The following SPTAN1 variants were observed in gnomAD, a reference collection of about 807,000 sequenced individuals.
SPTAN1 encodes spectrin alpha, non-erythrocytic 1.
Under a neutral mutation model 331.3 loss-of-function variants are expected in SPTAN1, and 61 were observed. The ratio of observed to expected loss-of-function variants is 0.18; its 90% confidence interval spans 0.15 to 0.23. The LOEUF (loss-of-function observed/expected upper bound fraction) is 0.23, where lower values mean the gene tolerates loss of function less well. Ranked by LOEUF, SPTAN1 falls within the 10% of genes least tolerant of loss-of-function variation. The pLI, the probability that SPTAN1 is intolerant of heterozygous loss-of-function variation, is 1.00. For missense variants in SPTAN1, 2,043 were observed against 3,147.9 expected, an observed-to-expected ratio of 0.65 and a Z score of 8.40; for synonymous variants, 1,153 against 1,173.9, an observed-to-expected ratio of 0.98 and a Z score of 0.36.
chr9:128,559,984 C>G (rs1313316309), intron 1 of SPTAN1, among the ~76,000 whole-genome samples: 1 of 152,032 alleles, frequency 6.6e-6, no homozygotes, highest in African/African-American at 2.4e-5. Flanking sequence ...ATCCACCCGC[C>G]TTGGCCTCCC....
chr9:128,630,633 A>G (rs979551194), intron 52 of SPTAN1: 17 of 443,252 alleles, frequency 3.8e-5, no homozygotes, highest in Middle Eastern at 6.8e-4. Context: ...AGGTCAAGCA[A>G]TTCTCCTGCC....
In SPTAN1 at chr9:128,604,354, A is replaced by G; in HGVS notation, c.3656A>G (p.Gln1219Arg). The change falls in exon 29 of 57, where the codon CAG becomes CGG. Residue 1219 changes from glutamine to arginine, a missense_variant. Gln to Arg is a conservative substitution (Grantham distance 43). Transcript: ENST00000372739. ...CTGAATGAGCGCTGGCGGTCCCTAC[A>G]GCAGCTGGCCGAGGAACGGAGCCAG... is the stretch of plus-strand genomic sequence containing the variant. ...KELNERWRSLQQLAEERSQLL... is the reference protein window; with the variant it reads ...KELNERWRSLRQLAEERSQLL... 1 of 1,614,084 alleles carries G rather than the reference A, an allele frequency of 6.2e-7. No homozygotes were observed. The highest frequency in any genetic ancestry group is 8.5e-7 in the Non-Finnish European group (1 of 1,179,992).
At chr9:128,599,277 C>T (rs1186267842) in intron 26 of SPTAN1, 2 of 421,522 alleles carry the variant, frequency 4.7e-6, no homozygotes, top group African/African-American at 2.0e-5. Context: ...TGGAATTCCA[C>T]GCATGTGGCA....
Position 128,633,217 on chromosome 9 carries a change from C to G in SPTAN1, c.7317C>G (p.Thr2439=). ...CATCTCTTACCCCACAGAACCTGAC[C>G]CGGGAACAAGCCGACTACTGCGTCT... ...VTKEELYQNL[T]REQADYCVSH... is the part of the protein sequence containing the mutation. Residue 2439 remains threonine (T), a synonymous_variant, in exon 57 of 57, where the codon ACC becomes ACG. Coordinates refer to ENST00000372739, the MANE Select transcript of SPTAN1 (RefSeq NM_001130438.3). The G allele has an allele frequency of 6.2e-7, 1 of 1,613,982 alleles. No homozygotes were observed. The highest frequency in any genetic ancestry group is 2.2e-5 in the East Asian group (1 of 44,860).
At chr9:128,587,181 G>A (rs1041310300) in intron 19 of SPTAN1, among the ~76,000 whole-genome samples, 1 of 152,058 alleles carries the variant, frequency 6.6e-6, no homozygotes, top group African/African-American at 2.4e-5. Context: ...GACCTCCTGT[G>A]CTCAGCAGTC....
chr9:128,632,503 G>T lies in SPTAN1; in HGVS notation c.7013+19G>T. Reference sequence around the variant, plus strand: ...TGTTTAAGTGAGTTCAGCCTTACTCGCCCTGGCTGGGTGGGGGGTGTTCGG... The same window carrying T: ...TGTTTAAGTGAGTTCAGCCTTACTCTCCCTGGCTGGGTGGGGGGTGTTCGG... On this transcript the variant is annotated intron_variant, in intron 54 of 56. Transcript: ENST00000372739. The T allele has an allele frequency of 6.2e-7, 1 of 1,614,170 alleles. No homozygotes were observed. Among genetic ancestry groups the T allele is most frequent in the African/African-American group, 1.3e-5 (1 of 75,068 alleles).
intron 17 of SPTAN1, 37 bp from the exon 18 acceptor site, chr9:128,584,684 C>T (rs1180256995): frequency 6.2e-7 from 1 of 1,614,198 alleles, no homozygotes; most frequent in Non-Finnish European, 8.5e-7. Flanking sequence ...CTTTTCTCTT[C>T]ATGGTTGGAT....
In SPTAN1 at chr9:128,627,779, A is replaced by G. The variant is rs534349825; in HGVS notation, c.6690-146A>G. ...GGTCAGCCCCAGCCATGACTTGGTG[A>G]CAGACGATGCAGGGTCTGTGCGTTG... On this transcript the variant is annotated intron_variant, in intron 50 of 56. Transcript: ENST00000372739. This position sits in a 1 kb window ranked among gnomAD's most constrained non-coding sequence, Gnocchi z 4.9. The G allele has an allele frequency of 1.9e-6, 2 of 1,077,860 alleles. No homozygotes were observed. Among genetic ancestry groups the G allele is most frequent in the African/African-American group, 1.5e-5 (1 of 64,626 alleles). The allele number at this position is 1,077,860 out of a possible 1,614,324, so 66.8% of individuals were successfully genotyped here.
chr9:128,612,938 T>G (rs555172473), intron 39 of SPTAN1, among the ~76,000 whole-genome samples: 4 of 151,358 alleles, frequency 2.6e-5, no homozygotes, highest in African/African-American at 9.7e-5. Context: ...AAAAAAAAAT[T>G]TTTTTTTTTA....
At chr9:128,581,470 C>T (rs1191856690) in intron 11 of SPTAN1, among the ~76,000 whole-genome samples, 1 of 47,566 alleles carries the variant, frequency 2.1e-5, no homozygotes, top group Non-Finnish European at 4.6e-5. Flanking sequence ...GAGATCCTGT[C>T]TCACAAAAAA....
chr9:128,601,104 T>G (rs1180831861), intron 27 of SPTAN1, among the ~76,000 whole-genome samples: 1 of 147,128 alleles, frequency 6.8e-6, no homozygotes, highest in East Asian at 2.1e-4. Context: ...CTTCCTCAGC[T>G]CCCCTAGTAG....
chr9:128,608,515 G>A (rs993834179), intron 34 of SPTAN1, among the ~76,000 whole-genome samples: 4 of 152,130 alleles, frequency 2.6e-5, no homozygotes, highest in African/African-American at 9.7e-5. Context: ...GGGTAGGTAA[G>A]GGAATAATGA....
Position 128,561,662 on chromosome 9 carries a change from C to CAAAAAAAAAAAAAAAAAAAA in SPTAN1, c.-3-5069_-3-5050dup. On this transcript the variant is annotated intron_variant, in intron 1 of 56. Transcript: ENST00000372739. The stretch of plus-strand genomic sequence containing the variant: ...TGGGCAACAGAGCGAGACTCCGTCT[C>CAAAAAAAAAAAAAAAAAAAA]AAAAAAAAAAAAAAAAAAAAAAAAA... Among the ~76,000 whole-genome samples the CAAAAAAAAAAAAAAAAAAAA allele has an allele frequency of 1.5e-3, 24 of 15,982 alleles. 5 individuals are homozygous for CAAAAAAAAAAAAAAAAAAAA. Among genetic ancestry groups the CAAAAAAAAAAAAAAAAAAAA allele is most frequent in the Admixed American group, 2.8e-3 (2 of 706 alleles). The allele number at this position is 15,982 out of a possible 152,430, so 10.5% of individuals were successfully genotyped here.
intron 1 of SPTAN1, among the ~76,000 whole-genome samples, chr9:128,554,676 A>G (rs925695666): frequency 5.9e-5 from 9 of 152,308 alleles, no homozygotes; most frequent in Middle Eastern, 3.4e-3. Context: ...CTGTTGCAGC[A>G]TATCAGCTGC....
rs1290424786 is a variant in SPTAN1 at position 128,583,080 on chromosome 9, C to T, written c.1810C>T (p.Pro604Ser). The T allele has an allele frequency of 6.2e-7, 1 of 1,614,096 alleles. No homozygotes were observed. Among genetic ancestry groups the T allele is most frequent in the Non-Finnish European group, 8.5e-7 (1 of 1,180,034 alleles). ...KTATDEAYKD[P>S]SNLQGKVQKH... ...AACCCCCTTCTTTTATTCACAGGAT[C>T]CATCCAACCTACAAGGAAAAGTACA... Residue 604 changes from proline (P) to serine (S), a missense_variant, in exon 15 of 57, where the codon CCA (proline) becomes TCA (serine). Pro to Ser is a moderately conservative substitution (Grantham distance 74). Around this residue, in one of 12 missense-constraint regions of SPTAN1, gnomAD observed 1,038 missense variants for 1,531.5 expected, o/e 0.68. Coordinates refer to ENST00000372739, the MANE Select transcript of SPTAN1 (RefSeq NM_001130438.3).
chr9:128,613,520 TGG>T, intron 40 of SPTAN1, 35 bp downstream of exon 40: 3 of 1,550,912 alleles, frequency 1.9e-6, no homozygotes, highest in Non-Finnish European at 2.7e-6. Context: ...CCCGAGTGCC[TGG>T]GACACAGCTC....
At chr9:128,584,954 A>G in intron 18 of SPTAN1, 111 bp downstream of exon 18, 2 of 1,284,122 alleles carry the variant, frequency 1.6e-6, no homozygotes, top group East Asian at 2.3e-5. Context: ...GCTGAATACC[A>G]TCCCCATTCT....
At chr9:128,617,121 C>G (rs1444996415) in intron 41 of SPTAN1, among the ~76,000 whole-genome samples, 1 of 151,764 alleles carries the variant, frequency 6.6e-6, no homozygotes, top group Non-Finnish European at 1.5e-5. Context: ...CACCTGTGGT[C>G]CCAGCTACTC....
intron 1 of SPTAN1, among the ~76,000 whole-genome samples, chr9:128,554,040 G>C (rs1256117435): frequency 6.6e-6 from 1 of 152,136 alleles, no homozygotes; most frequent in Non-Finnish European, 1.5e-5. Context: ...TTTCATTGCA[G>C]CTAACTAATG....
Sources: gnomAD v4.1 joint callset for allele counts (sites outside exome capture counted in the v4.1 genomes callset) on GRCh38, gnomAD v4.1.1 for gene constraint, gnomAD v4.1.1 regional missense constraint, Gnocchi (gnomAD v3.1) non-coding constraint, MANE v1.5 for transcripts, NCBI Gene and HGNC (gene_info 2026-07-23, HGNC 2026-07-21) for gene names.